STK39: variants seen among roughly 807,000 people sequenced by gnomAD.
The protein encoded by STK39 is STE20/SPS1-related proline-alanine-rich protein kinase.
Under a neutral mutation model 77.8 loss-of-function variants are expected in STK39, and 20 were observed. The ratio of observed to expected loss-of-function variants is 0.26; its 90% CI spans 0.18 to 0.37. STK39 has a LOEUF of 0.37. Among genes scored for constraint, STK39 ranks in the 10% least tolerant of loss-of-function variants. STK39 has a pLI of 1.00. For synonymous variants in STK39, 246 were observed against 234.1 expected (o/e 1.05, Z -0.47); for missense variants, 479 against 656.5 (o/e 0.73, Z 2.95).
chr2:168,025,425 G>T (rs1420909379), intron 14 of STK39, among the ~76,000 whole-genome samples: 1 of 152,152 alleles, frequency 6.6e-6, no homozygotes, highest in African/African-American at 2.4e-5. Flanking sequence ...TTATACCTCT[G>T]TAAGAGTTCT....
intron 14 of STK39, among the ~76,000 whole-genome samples, chr2:168,044,572 A>G (rs1685190778): frequency 6.6e-6 from 1 of 152,226 alleles, no homozygotes; most frequent in Admixed American, 6.5e-5. Flanking sequence ...TATCTAAGAA[A>G]CAGGAAGGAA....
chr2:168,017,226 A>G, intron 14 of STK39, 131 bp from the exon 15 acceptor site: 1 of 471,816 alleles, frequency 2.1e-6, no homozygotes, highest in African/African-American at 2.0e-5. Flanking sequence ...ACCTCCAAGT[A>G]TTTTGTTAAC....
At chr2:167,959,730 T>A (rs765071839) in intron 17 of STK39, among the ~76,000 whole-genome samples, 6 of 152,178 alleles carry the variant, frequency 3.9e-5, no homozygotes, top group Non-Finnish European at 7.3e-5. Context: ...TCCTGCCTTG[T>A]TAGGAAAATT....
intron 12 of STK39, among the ~76,000 whole-genome samples, chr2:168,074,680 C>G (rs1686029334): frequency 6.6e-6 from 1 of 152,312 alleles, no homozygotes; most frequent in South Asian, 2.1e-4. Context: ...TAGTCTGTGA[C>G]AAGGATTCCG....
chr2:168,160,760 T>A (rs1411096586), intron 5 of STK39, among the ~76,000 whole-genome samples: 2 of 152,096 alleles, frequency 1.3e-5, no homozygotes, highest in Non-Finnish European at 2.9e-5. Context: ...CAGTTTGAAA[T>A]CTTTGCCCAC....
chr2:168,131,203 T>A (rs145043727), intron 8 of STK39, among the ~76,000 whole-genome samples: 36 of 152,362 alleles, frequency 2.4e-4, no homozygotes, highest in African/African-American at 8.2e-4. Flanking sequence ...AAAATGTGAA[T>A]ACTTGTTTAA....
At chr2:168,176,594 A>G (rs1015138107) in intron 2 of STK39, among the ~76,000 whole-genome samples, 2 of 152,236 alleles carry the variant, frequency 1.3e-5, no homozygotes, top group Non-Finnish European at 2.9e-5. Context: ...TACAGCAGAA[A>G]GCAAAATGAG....
At chr2:167,986,000 C>T (rs4667989) in intron 16 of STK39, among the ~76,000 whole-genome samples, 89,512 of 151,940 alleles carry the variant, frequency 0.59, 27,121 homozygotes, top group African/African-American at 0.69. Flanking sequence ...ATAGTGTCCA[C>T]AGTCACAGTT....
chr2:167,985,174 T>C (rs1434494964), intron 16 of STK39, among the ~76,000 whole-genome samples: 1 of 152,234 alleles, frequency 6.6e-6, no homozygotes, highest in East Asian at 1.9e-4. Context: ...GTTGCGCTAA[T>C]TGAACAGATA....
intron 5 of STK39, 105 bp from the exon 6 acceptor site, chr2:168,140,863 G>T: frequency 1.1e-6 from 1 of 908,848 alleles, no homozygotes. Flanking sequence ...CAGTGGTGAT[G>T]AACTATTCCA....
chr2:168,209,956 C>T (rs900637223), intron 1 of STK39, among the ~76,000 whole-genome samples: 7 of 143,338 alleles, frequency 4.9e-5, no homozygotes, highest in African/African-American at 1.6e-4. Flanking sequence ...CCAAGATCAC[C>T]ATTACATTCC....
At chr2:168,056,071 C>T (rs934761122) in intron 14 of STK39, among the ~76,000 whole-genome samples, 2 of 152,160 alleles carry the variant, frequency 1.3e-5, no homozygotes, top group African/African-American at 2.4e-5. Flanking sequence ...TAACCACCTC[C>T]AGCATTTAAC....
intron 10 of STK39, among the ~76,000 whole-genome samples, chr2:168,121,778 C>A (rs1350770345): frequency 2.6e-5 from 4 of 152,346 alleles, no homozygotes; most frequent in Non-Finnish European, 5.9e-5. Context: ...CCACTGCTGA[C>A]TGAGCACCTG....
At chr2:168,097,304 T>C (rs1355666683) in intron 10 of STK39, among the ~76,000 whole-genome samples, 1 of 152,228 alleles carries the variant, frequency 6.6e-6, no homozygotes, top group Non-Finnish European at 1.5e-5. Context: ...TCTTAGGCAT[T>C]GCCACACCTT....
intron 14 of STK39, among the ~76,000 whole-genome samples, chr2:168,031,658 C>T (rs6726723): frequency 0.069 from 10,444 of 152,192 alleles, 677 homozygotes; most frequent in East Asian, 0.2. Flanking sequence ...CAGACATGTG[C>T]CCGCACAGAG....
chr2:168,062,222 A>T (rs941152543), intron 14 of STK39, among the ~76,000 whole-genome samples: 1 of 152,190 alleles, frequency 6.6e-6, no homozygotes, highest in Non-Finnish European at 1.5e-5. Context: ...CTACACCTCA[A>T]TGACAACATG....
At chr2:168,212,319 C>T (rs142119052) in intron 1 of STK39, among the ~76,000 whole-genome samples, 68 of 152,354 alleles carry the variant, frequency 4.5e-4, no homozygotes, top group African/African-American at 1.5e-3. Flanking sequence ...TCCTCCCCAT[C>T]TCACCTGCAG....
At chr2:167,983,932 T>A (rs1214415424) in intron 16 of STK39, among the ~76,000 whole-genome samples, 1 of 152,154 alleles carries the variant, frequency 6.6e-6, no homozygotes, top group Non-Finnish European at 1.5e-5. Context: ...CTTCAGATTA[T>A]ACATTTTATC....
chr2:167,985,729 A>T (rs535753042), intron 16 of STK39, among the ~76,000 whole-genome samples: 1 of 152,326 alleles, frequency 6.6e-6, no homozygotes, highest in South Asian at 2.1e-4. Context: ...TACTATTACT[A>T]ATAGTAAATA....
Sources: allele counts gnomAD v4.1 joint callset (sites outside exome capture counted in the v4.1 genomes callset), GRCh38; gene constraint gnomAD v4.1.1; transcripts MANE v1.5; gene names NCBI Gene and HGNC (gene_info 2026-07-23, HGNC 2026-07-21).